Variants in GABRA1 observed in about 807,000 individuals in gnomAD.
The protein encoded by GABRA1 is gamma-aminobutyric acid receptor subunit alpha-1.
Under a neutral mutation model 48.9 loss-of-function variants are expected in GABRA1, and 9 were observed. That is an observed-to-expected ratio of 0.18 (90% confidence interval 0.11 to 0.32). The LOEUF is 0.32. Among genes scored for constraint, GABRA1 ranks in the 10% least tolerant of loss-of-function variants. The probability of loss-of-function intolerance (pLI) is 1.00; values close to 1 mark genes in which losing one functional copy is unlikely to be tolerated. For missense variants in GABRA1, 285 were observed against 553.8 expected, an observed-to-expected ratio of 0.51 and a Z score of 4.87; for synonymous variants, 210 against 198.7, an observed-to-expected ratio of 1.06 and a Z score of -0.48.
chr5:161,890,532 G>A (rs998550316), intron 7 of GABRA1, among the ~76,000 whole-genome samples: 1 of 152,006 alleles, frequency 6.6e-6, no homozygotes, highest in Non-Finnish European at 1.5e-5. Flanking sequence ...GATCTGATCT[G>A]TTTCTGACCC....
chr5:161,880,591 T>G (rs1012050951), intron 6 of GABRA1, among the ~76,000 whole-genome samples: 1 of 152,346 alleles, frequency 6.6e-6, no homozygotes, highest in Admixed American at 6.5e-5. Context: ...CACTAAATTT[T>G]TAGTTCATTC....
intron 8 of GABRA1, among the ~76,000 whole-genome samples, chr5:161,893,048 T>TAAAAAA (rs3078113): frequency 0.053 from 7,580 of 141,800 alleles, 312 homozygotes; most frequent in Non-Finnish European, 0.073. Flanking sequence ...ATAATAATAA[T>TAAAAAA]AAAATAAACA....
intron 3 of GABRA1, among the ~76,000 whole-genome samples, chr5:161,855,672 G>A (rs912801650): frequency 6.0e-5 from 9 of 151,076 alleles, no homozygotes; most frequent in African/African-American, 1.7e-4. Flanking sequence ...TAAAATTTGC[G>A]ATAAATTACA....
intron 4 of GABRA1, among the ~76,000 whole-genome samples, chr5:161,871,587 C>T (rs1754123683): frequency 6.6e-6 from 1 of 152,110 alleles, no homozygotes; most frequent in South Asian, 2.1e-4. Context: ...CTATTCTATG[C>T]CCATCGTACA....
chr5:161,850,821 G>A lies in GABRA1; in HGVS notation c.11G>A (p.Ser4Asn), dbSNP rs796052487. 2.5e-6 allele frequency: 4 copies of A among 1,613,976 alleles called. No individual in the cohort carries two copies. Among genetic ancestry groups the A allele is most frequent in the Admixed American group, 1.7e-5 (1 of 59,996 alleles). ...CTGCTCCAGCCCGCGATGAGGAAAAGTCCAGGTCTGTCTGACTGTCTTTGG... is the reference window on the plus strand; with the variant it reads ...CTGCTCCAGCCCGCGATGAGGAAAAATCCAGGTCTGTCTGACTGTCTTTGG... MRK[S>N]PGLSDCLWAW... The change falls in exon 2 of 10, where the codon AGT (serine) becomes AAT (asparagine). Residue 4 changes from serine (S) to asparagine (N), a missense_variant. Ser to Asn is a conservative substitution (Grantham distance 46). Around this residue, in one of 6 missense-constraint regions of GABRA1, gnomAD observed 45 missense variants for 39.9 expected, o/e 1.13. Coordinates refer to ENST00000393943, the MANE Select transcript of GABRA1 (RefSeq NM_001127644.2).
intron 6 of GABRA1, among the ~76,000 whole-genome samples, chr5:161,876,522 T>A (rs1754361869): frequency 6.6e-6 from 1 of 151,996 alleles, no homozygotes; most frequent in African/African-American, 2.4e-5. Context: ...CATAGAAAAA[T>A]AACAGTGGTA....
rs1158105363 is a variant in GABRA1 at position 161,897,407 on chromosome 5, C to T, written c.1356C>T (p.Pro452=). The change falls in exon 10 of 10, where the codon CCC becomes CCT. Residue 452 remains proline, a synonymous_variant. Transcript: ENST00000393943. ...YLNREPQLKA[P]TPHQ Reference sequence around the variant, plus strand: ...ACAGAGAGCCTCAGCTAAAAGCCCCCACACCACATCAATAGATCTTTTACT... The same window carrying T: ...ACAGAGAGCCTCAGCTAAAAGCCCCTACACCACATCAATAGATCTTTTACT... The T allele has an allele frequency of 6.2e-7, 1 of 1,613,674 alleles. No homozygotes were observed. The highest frequency in any genetic ancestry group is 8.5e-7 in the Non-Finnish European group (1 of 1,179,710).
At chr5:161,850,521 G>C in intron 1 of GABRA1, 6 of 536,846 alleles carry the variant, frequency 1.1e-5, no homozygotes, top group Middle Eastern at 9.5e-4. Flanking sequence ...ACAACTCACA[G>C]TTTTTATGTT....
intron 5 of GABRA1, among the ~76,000 whole-genome samples, chr5:161,873,853 T>C (rs1354786073): frequency 6.6e-6 from 1 of 152,218 alleles, no homozygotes; most frequent in Non-Finnish European, 1.5e-5. Context: ...AACTAAAGAC[T>C]ACGTATACAT....
At chr5:161,849,728 A>T (rs1360221459) in intron 1 of GABRA1, among the ~76,000 whole-genome samples, 1 of 152,242 alleles carries the variant, frequency 6.6e-6, no homozygotes, top group Admixed American at 6.5e-5. Flanking sequence ...TACTTTGAAC[A>T]TTCCTTATAT....
intron 3 of GABRA1, among the ~76,000 whole-genome samples, chr5:161,863,023 A>G (rs1324459699): frequency 6.6e-6 from 1 of 151,922 alleles, no homozygotes. Context: ...TACTAATCTC[A>G]TCTTTTTGAA....
At chr5:161,855,034 G>A (rs181498929) in intron 3 of GABRA1, among the ~76,000 whole-genome samples, 190 of 151,570 alleles carry the variant, frequency 1.3e-3, no homozygotes, top group Middle Eastern at 3.4e-3. Flanking sequence ...AACAAGTGAA[G>A]CAAGGAAATA....
chr5:161,848,676 A>AT (rs575284700), intron 1 of GABRA1: 145 of 255,832 alleles, frequency 5.7e-4, no homozygotes, highest in South Asian at 4.7e-3. Flanking sequence ...CATTATTATT[A>AT]TTTTTTTCCC....
chr5:161,861,642 G>A (rs1757864193), intron 3 of GABRA1, among the ~76,000 whole-genome samples: 1 of 151,886 alleles, frequency 6.6e-6, no homozygotes, highest in South Asian at 2.1e-4. Flanking sequence ...ATATCATCTA[G>A]GGGATAGTTT....
chr5:161,851,184 A>G (rs906620183), intron 2 of GABRA1, among the ~76,000 whole-genome samples: 1 of 152,166 alleles, frequency 6.6e-6, no homozygotes, highest in Non-Finnish European at 1.5e-5. Context: ...TTCCTAATTC[A>G]TAGAAAAAGT....
At chr5:161,892,612 G>A (rs1755143116) in intron 8 of GABRA1, among the ~76,000 whole-genome samples, 1 of 152,094 alleles carries the variant, frequency 6.6e-6, no homozygotes, top group African/African-American at 2.4e-5. Flanking sequence ...CACTAAAGAC[G>A]AAGTCTTGTT....
At chr5:161,886,463 G>A (rs1292351999) in intron 7 of GABRA1, among the ~76,000 whole-genome samples, 1 of 151,774 alleles carries the variant, frequency 6.6e-6, no homozygotes, top group Non-Finnish European at 1.5e-5. Context: ...GTAAGTGTCC[G>A]ATATTACTAT....
At chr5:161,861,466 C>T (rs1366119619) in intron 3 of GABRA1, among the ~76,000 whole-genome samples, 1 of 151,752 alleles carries the variant, frequency 6.6e-6, no homozygotes, top group Non-Finnish European at 1.5e-5. Context: ...TAAATAGCTC[C>T]TGCAATAATA....
At chr5:161,851,212 G>A (rs1388967185) in intron 2 of GABRA1, among the ~76,000 whole-genome samples, 1 of 152,128 alleles carries the variant, frequency 6.6e-6, no homozygotes, top group African/African-American at 2.4e-5. Context: ...ATTAGTGGTT[G>A]CATACTGTGT....
Sources: allele counts gnomAD v4.1 joint callset (sites outside exome capture counted in the v4.1 genomes callset), GRCh38; gene constraint gnomAD v4.1.1; regional missense constraint gnomAD v4.1.1; transcripts MANE v1.5; gene names NCBI Gene and HGNC (gene_info 2026-07-23, HGNC 2026-07-21).